FLVCR2: variants seen among roughly 807,000 people sequenced by gnomAD.
FLVCR2 encodes the protein FLVCR choline and putative heme transporter 2.
Under a neutral mutation model 48.9 loss-of-function variants are expected in FLVCR2, and 38 were observed. That is an observed-to-expected ratio of 0.78 (90% CI 0.60 to 1.02). The LOEUF (loss-of-function observed/expected upper bound fraction) is 1.02. Among genes scored for constraint, FLVCR2 ranks in the 50% least tolerant of loss-of-function variants. FLVCR2 has a pLI of 0.00. For synonymous variants in FLVCR2, 255 were observed against 257.0 expected (o/e 0.99, Z 0.07); for missense variants, 664 against 663.3 (o/e 1.00, Z -0.01).
chr14:75,624,590 A>G (rs764986187), intron 2 of FLVCR2, 22 bp from the exon 3 acceptor site: 31 of 1,613,934 alleles, frequency 1.9e-5, no homozygotes, highest in African/African-American at 2.7e-5. Flanking sequence ...ATTTTCAGCC[A>G]TCTCTGTTTT....
intron 3 of FLVCR2, chr14:75,631,718 G>A (rs530010470): frequency 2.2e-6 from 1 of 455,356 alleles, no homozygotes; most frequent in East Asian, 6.9e-5. Context: ...GAAGACGGGA[G>A]GAGACTATTT....
chr14:75,608,228 A>C (rs1889347062), intron 1 of FLVCR2, among the ~76,000 whole-genome samples: 1 of 152,178 alleles, frequency 6.6e-6, no homozygotes. Context: ...GATAAGCTCC[A>C]TCATCCTTAC....
At chr14:75,602,949 T>C (rs1002980487) in intron 1 of FLVCR2, among the ~76,000 whole-genome samples, 2 of 152,220 alleles carry the variant, frequency 1.3e-5, no homozygotes, top group Admixed American at 6.5e-5. Context: ...CTTTATGCTC[T>C]AAAGAATGCA....
intron 9 of FLVCR2, 200 bp downstream of exon 9, chr14:75,642,098 C>T (rs926227800): frequency 4.5e-5 from 27 of 605,644 alleles, no homozygotes; most frequent in African/African-American, 4.1e-4. Context: ...TACTGCTACC[C>T]TTTCTTGGAC....
At chr14:75,619,115 T>C (rs889212660) in intron 1 of FLVCR2, among the ~76,000 whole-genome samples, 1 of 151,892 alleles carries the variant, frequency 6.6e-6, no homozygotes, top group Admixed American at 6.6e-5. Flanking sequence ...TCCCAGCTAC[T>C]TGGGAGGCTG....
rs1890430825 is a variant in FLVCR2 at position 75,646,758 on chromosome 14, A to G, written c.*286A>G. 4 of 438,576 alleles carry G rather than the reference A, an allele frequency of 9.1e-6. No individual in the cohort carries two copies. In the Admixed American group the frequency reaches 1.0e-4, roughly 11 times the overall value. 27.2% of individuals were successfully genotyped at this position (438,576 alleles called of 1,614,324 possible). ...AGGGTGGCAGAGAATATTGGAGTCA[A>G]TCCTAGCTTGGTCTCTTGCCTTCCC... On this transcript the variant is annotated 3_prime_UTR_variant, in exon 10 of 10. Transcript: ENST00000238667.
chr14:75,579,709 T>A, intron 1 of FLVCR2, 68 bp downstream of exon 1: 1 of 1,544,196 alleles, frequency 6.5e-7, no homozygotes, highest in Non-Finnish European at 8.9e-7. Flanking sequence ...TTGGGTGTGG[T>A]AGGCTATAAT....
intron 2 of FLVCR2, among the ~76,000 whole-genome samples, chr14:75,623,815 C>T (rs1889821757): frequency 6.6e-6 from 1 of 152,006 alleles, no homozygotes; most frequent in South Asian, 2.1e-4. Flanking sequence ...CTTTGGGAGG[C>T]AAAGGTGGGT....
chr14:75,634,522 A>T (rs564700936), intron 4 of FLVCR2, among the ~76,000 whole-genome samples: 7 of 152,374 alleles, frequency 4.6e-5, no homozygotes, highest in African/African-American at 1.7e-4. Flanking sequence ...TGGCATTGAT[A>T]GTTCAAAAAA....
chr14:75,590,904 A>G lies in FLVCR2; in HGVS notation c.669+11263A>G, dbSNP rs866178311. The stretch of plus-strand genomic sequence containing the variant: ...TTCATAGCAATGTGAGAATGGAATA[A>G]TACACTTGTTTCAGCATCAACTCAA... On this transcript the variant is annotated intron_variant, in intron 1 of 9. Transcript: ENST00000238667. Among the ~76,000 whole-genome samples the G allele has an allele frequency of 2.6e-5, 4 of 152,236 alleles. No homozygotes were observed. The South Asian group carries it at 8.3e-4, about 32-fold the overall frequency.
At chr14:75,610,008 A>C (rs1276788202) in intron 1 of FLVCR2, among the ~76,000 whole-genome samples, 3 of 152,216 alleles carry the variant, frequency 2.0e-5, no homozygotes, top group Non-Finnish European at 4.4e-5. Context: ...TCAGTGCCAA[A>C]GCATTTGAAT....
At chr14:75,636,934 G>C (rs1261450824) in intron 5 of FLVCR2, among the ~76,000 whole-genome samples, 1 of 152,236 alleles carries the variant, frequency 6.6e-6, no homozygotes, top group African/African-American at 2.4e-5. Context: ...GGCAAGACTG[G>C]CGTCCATGAC....
chr14:75,646,462 A>T lies in FLVCR2; in HGVS notation c.1571A>T (p.Asp524Val), dbSNP rs1890423723. The change falls in exon 10 of 10, where the codon GAT becomes GTT. Residue 524 changes from aspartate (D) to valine (V), a missense_variant. Coordinates refer to ENST00000238667, the MANE Select transcript of FLVCR2 (RefSeq NM_017791.3). The stretch of plus-strand genomic sequence containing the variant: ...AAAGTGCCCACTGCTGTGTCAGAGG[A>T]TCATCTCTGAGAGGAAGGTGGTGAC... ...TSKVPTAVSEDHL is the reference protein window; with the variant it reads ...TSKVPTAVSEVHL 1 of 1,611,084 alleles carries T rather than the reference A, an allele frequency of 6.2e-7. No homozygotes were observed. Among genetic ancestry groups the T allele is most frequent in the African/African-American group, 1.3e-5 (1 of 74,848 alleles).
At chr14:75,626,980 C>A (rs1889914883) in intron 3 of FLVCR2, among the ~76,000 whole-genome samples, 1 of 151,924 alleles carries the variant, frequency 6.6e-6, no homozygotes, top group Non-Finnish European at 1.5e-5. Context: ...ATTCCAAAGG[C>A]TGTGGTCCTC....
rs756754447 is a variant in FLVCR2, at chr14:75,635,008, C to A, written c.1119C>A (p.Thr373=). 2.5e-6 allele frequency: 4 copies of A among 1,603,028 alleles called. No individual in the cohort carries two copies. Among genetic ancestry groups the A allele is most frequent in the Middle Eastern group, 3.3e-4 (2 of 6,046 alleles). ...ISGIWLDRSK[T]YKETTLVVYI... Reference sequence around the variant, plus strand: ...GAATCTGGCTGGATAGGTCCAAAACCTACAAGTAAGTGACTCATCCTCTTG... The same window carrying A: ...GAATCTGGCTGGATAGGTCCAAAACATACAAGTAAGTGACTCATCCTCTTG... Residue 373 remains threonine (T), a synonymous_variant, in exon 5 of 10, where the codon ACC becomes ACA. Transcript: ENST00000238667.
intron 1 of FLVCR2, among the ~76,000 whole-genome samples, 174 bp from the exon 2 acceptor site, chr14:75,621,905 T>G (rs1383363607): frequency 6.6e-6 from 1 of 152,152 alleles, no homozygotes; most frequent in African/African-American, 2.4e-5. Flanking sequence ...TGAGCCAAAA[T>G]GTCAGTCAGA....
At chr14:75,623,249 TGGG>T (rs974973504) in intron 2 of FLVCR2, among the ~76,000 whole-genome samples, 3 of 152,246 alleles carry the variant, frequency 2.0e-5, no homozygotes, top group Non-Finnish European at 4.4e-5. Context: ...CCCAAAGTGC[TGGG>T]ATTACAGGCA....
chr14:75,628,778 C>T (rs1889967727), intron 3 of FLVCR2, among the ~76,000 whole-genome samples: 2 of 152,190 alleles, frequency 1.3e-5, no homozygotes, highest in African/African-American at 2.4e-5. Context: ...CTCTTTAATA[C>T]TCTCCACCCC....
At position 75,579,451 on chromosome 14, in the gene FLVCR2, T is replaced by G; in HGVS notation, c.479T>G (p.Leu160Arg). 1 of 1,613,926 alleles carries G rather than the reference T, an allele frequency of 6.2e-7. No individual in the cohort carries two copies. The highest frequency in any genetic ancestry group is 8.5e-7 in the Non-Finnish European group (1 of 1,179,944). ...ACCATTGCTCTCACTGGCTCGGCTCTCAACTGCCTGGGGGCCTGGGTGAAG... is the reference window on the plus strand; with the variant it reads ...ACCATTGCTCTCACTGGCTCGGCTCGCAACTGCCTGGGGGCCTGGGTGAAG... ...LRTIALTGSA[L>R]NCLGAWVKLG... Residue 160 changes from leucine to arginine, a missense_variant, in exon 1 of 10, where the codon CTC becomes CGC. Leu to Arg is a moderately radical substitution (Grantham distance 102). Transcript: ENST00000238667.
Sources: gnomAD v4.1 joint callset for allele counts (sites outside exome capture counted in the v4.1 genomes callset) on GRCh38, gnomAD v4.1.1 for gene constraint, MANE v1.5 for transcripts, NCBI Gene and HGNC (gene_info 2026-07-23, HGNC 2026-07-21) for gene names.